PDLIM5: variants seen among roughly 807,000 people sequenced by gnomAD.
The protein encoded by PDLIM5 is PDZ and LIM domain 5, also known as PDZ and LIM domain protein 5.
Under a neutral mutation model 64.2 loss-of-function variants are expected in PDLIM5, and 34 were observed. The observed-to-expected ratio is 0.53, with a 90% CI of 0.40 to 0.71. The LOEUF (loss-of-function observed/expected upper bound fraction) is 0.71, where lower values mean the gene tolerates loss of function less well. Ranked by LOEUF, PDLIM5 falls within the 30% of genes least tolerant of loss-of-function variation. PDLIM5 has a pLI of 0.00. For missense variants in PDLIM5, 683 were observed against 733.6 expected, an observed-to-expected ratio of 0.93 and a Z score of 0.80; for synonymous variants, 253 against 269.1, an observed-to-expected ratio of 0.94 and a Z score of 0.59.
rs562786153 is a variant in PDLIM5 at position 94,652,401 on chromosome 4, G to T, written c.1284-2059G>T. Among the ~76,000 whole-genome samples the T allele has an allele frequency of 2.6e-5, 4 of 152,266 alleles. No individual in the cohort carries two copies. In the East Asian group the frequency reaches 5.8e-4, roughly 22 times the overall value. ...TTATGGTCACAGTAAATTGAGCCTG[G>T]AAGATTTTTCATGCGTGTATAACCA... is the stretch of plus-strand genomic sequence containing the variant. On this transcript the variant is annotated intron_variant, in intron 9 of 12. Coordinates refer to ENST00000317968, the MANE Select transcript of PDLIM5 (RefSeq NM_006457.5).
rs1306365525 is a variant in PDLIM5 at position 94,575,881 on chromosome 4, G to C, written c.557G>C (p.Ser186Thr). The part of the protein sequence containing the change: ...ASGLHANANL[S>T]ADQSPSALSA... ...GGACTGCATGCTAATGCCAATCTTA[G>C]TGCTGACCAGTCTCCATCTGCACTG... Residue 186 changes from serine to threonine, a missense_variant, in exon 5 of 13, where the codon AGT (serine) becomes ACT (threonine). Transcript: ENST00000317968. 1 of 1,614,128 alleles carries C rather than the reference G, an allele frequency of 6.2e-7. No individual in the cohort carries two copies. Among genetic ancestry groups the C allele is most frequent in the Non-Finnish European group, 8.5e-7 (1 of 1,180,024 alleles).
chr4:94,460,128 A>G (rs866331718), intron 2 of PDLIM5, among the ~76,000 whole-genome samples: 3 of 152,314 alleles, frequency 2.0e-5, no homozygotes, highest in Admixed American at 6.5e-5. Flanking sequence ...TATATGATGT[A>G]TATTTCACAT....
intron 2 of PDLIM5, among the ~76,000 whole-genome samples, chr4:94,509,851 C>T (rs1221608118): frequency 1.3e-5 from 2 of 152,260 alleles, no homozygotes; most frequent in East Asian, 1.9e-4. Flanking sequence ...AGATGGTGCC[C>T]ACCTAGATTA....
chr4:94,465,595 G>C (rs1174443946), intron 2 of PDLIM5, among the ~76,000 whole-genome samples: 1 of 151,848 alleles, frequency 6.6e-6, no homozygotes, highest in African/African-American at 2.4e-5. Flanking sequence ...TTTTTCAGTA[G>C]AGACGGGGTT....
intron 8 of PDLIM5, among the ~76,000 whole-genome samples, chr4:94,638,821 GTTTA>G (rs954610099): frequency 6.6e-6 from 1 of 152,108 alleles, no homozygotes; most frequent in African/African-American, 2.4e-5. Context: ...ATTGATTCCA[GTTTA>G]TTTATTCATT....
At chr4:94,598,815 G>C (rs947122561) in intron 7 of PDLIM5, among the ~76,000 whole-genome samples, 8 of 152,052 alleles carry the variant, frequency 5.3e-5, no homozygotes, top group Non-Finnish European at 1.0e-4. Flanking sequence ...TTAGACTCTA[G>C]TTAGAGAAAA....
chr4:94,488,219 G>A (rs1392868596), intron 2 of PDLIM5, among the ~76,000 whole-genome samples: 4 of 152,120 alleles, frequency 2.6e-5, no homozygotes, highest in African/African-American at 7.2e-5. Context: ...TAATGTTTGT[G>A]GAAAGTACTT....
intron 7 of PDLIM5, among the ~76,000 whole-genome samples, chr4:94,614,175 A>G (rs1738589028): frequency 6.6e-6 from 1 of 152,030 alleles, no homozygotes; most frequent in Non-Finnish European, 1.5e-5. Flanking sequence ...ATTGTCCAGG[A>G]TGGTCTCCAT....
At chr4:94,551,988 C>T (rs550859740) in intron 3 of PDLIM5, among the ~76,000 whole-genome samples, 6 of 152,190 alleles carry the variant, frequency 3.9e-5, no homozygotes, top group African/African-American at 1.4e-4. Flanking sequence ...AAAGATATTA[C>T]GTAGTAAAGT....
At chr4:94,471,330 G>A (rs1212155931) in intron 2 of PDLIM5, among the ~76,000 whole-genome samples, 2 of 151,616 alleles carry the variant, frequency 1.3e-5, no homozygotes, top group Non-Finnish European at 1.5e-5. Flanking sequence ...TTGAGAGATA[G>A]TTTCGTAAAA....
At chr4:94,562,641 G>A (rs1049427844) in intron 3 of PDLIM5, among the ~76,000 whole-genome samples, 1 of 152,182 alleles carries the variant, frequency 6.6e-6, no homozygotes, top group African/African-American at 2.4e-5. Context: ...TCCAGTTTGG[G>A]TGTTGAGATT....
chr4:94,577,503 T>G (rs1735383489), intron 5 of PDLIM5: 1 of 348,748 alleles, frequency 2.9e-6, no homozygotes, highest in Non-Finnish European at 5.6e-6. Context: ...ACTAGTATCC[T>G]TCAAAAAAGA....
intron 8 of PDLIM5, among the ~76,000 whole-genome samples, chr4:94,622,957 C>G (rs1259995071): frequency 6.6e-6 from 1 of 152,104 alleles, no homozygotes; most frequent in Non-Finnish European, 1.5e-5. Context: ...GCATAAGCCA[C>G]CACGCCCGGC....
At chr4:94,636,037 T>G (rs909509110) in intron 8 of PDLIM5, among the ~76,000 whole-genome samples, 6 of 152,200 alleles carry the variant, frequency 3.9e-5, no homozygotes, top group African/African-American at 1.4e-4. Context: ...GGAATAGCGG[T>G]AGAACTTAGA....
At chr4:94,565,473 G>A (rs1455131843) in intron 3 of PDLIM5, among the ~76,000 whole-genome samples, 1 of 152,092 alleles carries the variant, frequency 6.6e-6, no homozygotes, top group African/African-American at 2.4e-5. Flanking sequence ...TTCTGTTATT[G>A]GTAGCATGTC....
intron 2 of PDLIM5, among the ~76,000 whole-genome samples, chr4:94,495,843 A>C (rs761007596): frequency 2.0e-5 from 3 of 152,190 alleles, no homozygotes; most frequent in Non-Finnish European, 4.4e-5. Flanking sequence ...AGCTTGAAAG[A>C]TGACAGTCAG....
At chr4:94,507,885 C>G (rs1369403240) in intron 2 of PDLIM5, among the ~76,000 whole-genome samples, 1 of 152,162 alleles carries the variant, frequency 6.6e-6, no homozygotes, top group Non-Finnish European at 1.5e-5. Flanking sequence ...GCCAGGCAAA[C>G]CAAAATCTTG....
chr4:94,545,842 G>A (rs973026262), intron 3 of PDLIM5, among the ~76,000 whole-genome samples: 2 of 152,034 alleles, frequency 1.3e-5, no homozygotes, highest in Non-Finnish European at 2.9e-5. Flanking sequence ...AATTTCTTAT[G>A]GCCTGATATT....
chr4:94,544,245 G>T (rs1297826078), intron 3 of PDLIM5, among the ~76,000 whole-genome samples: 1 of 152,062 alleles, frequency 6.6e-6, no homozygotes, highest in Non-Finnish European at 1.5e-5. Flanking sequence ...AATCTAGGAT[G>T]ATCCCATCTC....
Sources: gnomAD v4.1 joint callset for allele counts (sites outside exome capture counted in the v4.1 genomes callset) on GRCh38, gnomAD v4.1.1 for gene constraint, MANE v1.5 for transcripts, NCBI Gene and HGNC (gene_info 2026-07-23, HGNC 2026-07-21) for gene names.